CCR3: variants seen among roughly 807,000 people sequenced by gnomAD.
CCR3 encodes the protein C-C chemokine receptor type 3.
For synonymous variants in CCR3, 203 were observed against 179.2 expected (o/e 1.13, Z -1.06); for missense variants, 419 against 437.5 (o/e 0.96, Z 0.38).
chr3:46,253,430 A>G (rs1700357230), intron 1 of CCR3, among the ~76,000 whole-genome samples: 1 of 152,138 alleles, frequency 6.6e-6, no homozygotes, highest in African/African-American at 2.4e-5. Flanking sequence ...GATTTTCTCC[A>G]GGATGGATAC....
chr3:46,242,064 T>A (rs1575495851), upstream of CCR3, among the ~76,000 whole-genome samples: 1 of 149,160 alleles, frequency 6.7e-6, no homozygotes, highest in South Asian at 2.1e-4. Context: ...ACCCAGGAGG[T>A]GGAGGTTGCA....
chr3:46,265,228 T>C lies in CCR3; in HGVS notation c.70T>C (p.Cys24Arg). 1.9e-6 allele frequency: 3 copies of C among 1,614,120 alleles called. No individual in the cohort carries two copies. The highest frequency in any genetic ancestry group is 2.5e-6 in the Non-Finnish European group (3 of 1,179,986). ...TSYYDDVGLL[C>R]EKADTRALMA... is the part of the protein sequence containing the mutation. ...CTACTATGATGACGTGGGCCTGCTC[T>C]GTGAAAAAGCTGATACCAGAGCACT... is the stretch of plus-strand genomic sequence containing the variant. Residue 24 changes from cysteine to arginine, a missense_variant, in exon 2 of 2, where the codon TGT becomes CGT. By Grantham distance (180) the Cys-to-Arg change is radical (BLOSUM62 -3). Coordinates refer to ENST00000395940, the MANE Select transcript of CCR3 (RefSeq NM_178329.3).
At chr3:46,254,321 A>C (rs1700373201) in intron 1 of CCR3, among the ~76,000 whole-genome samples, 1 of 152,226 alleles carries the variant, frequency 6.6e-6, no homozygotes, top group Admixed American at 6.5e-5. Flanking sequence ...AAATAAAATC[A>C]GATCAAAATT....
chr3:46,232,153 T>TA (rs938275230), intron 2 of CCR3, among the ~76,000 whole-genome samples: 10 of 152,208 alleles, frequency 6.6e-5, no homozygotes, highest in Admixed American at 6.5e-4. Flanking sequence ...GATGTTCTTA[T>TA]AAAAAAATGA....
At chr3:46,246,590 G>T (rs1378163216) in intron 1 of CCR3, among the ~76,000 whole-genome samples, 3 of 152,056 alleles carry the variant, frequency 2.0e-5, no homozygotes, top group Non-Finnish European at 2.9e-5. Flanking sequence ...TGCTTTTGTG[G>T]TGGAATGTCA....
At chr3:46,237,464 G>A (rs1303407979), upstream of CCR3, among the ~76,000 whole-genome samples, 1 of 152,106 alleles carries the variant, frequency 6.6e-6, no homozygotes, top group Non-Finnish European at 1.5e-5. Flanking sequence ...GTCTATTTTT[G>A]TTTTTGTTGC....
chr3:46,243,929 C>T (rs1700144414), intron 1 of CCR3, among the ~76,000 whole-genome samples: 1 of 151,976 alleles, frequency 6.6e-6, no homozygotes, highest in Non-Finnish European at 1.5e-5. Flanking sequence ...ACCCTTTTGC[C>T]CATCTAATTG....
chr3:46,242,190 G>T (rs201212569), upstream of CCR3, among the ~76,000 whole-genome samples: 3 of 151,964 alleles, frequency 2.0e-5, no homozygotes, highest in Non-Finnish European at 4.4e-5. Flanking sequence ...AATGCCAATG[G>T]GTGGAGAGCC....
chr3:46,253,191 G>A (rs1238662565), intron 1 of CCR3, among the ~76,000 whole-genome samples: 2 of 152,144 alleles, frequency 1.3e-5, no homozygotes, highest in African/African-American at 4.8e-5. Context: ...GTCCCTGATA[G>A]GAAGTCACTC....
At position 46,265,299 on chromosome 3, in the gene CCR3, G is replaced by A. The variant is rs1461074711; in HGVS notation, c.141G>A (p.Val47=). ...VPPLYSLVFT[V]GLLGNVVVVM... ...CGCTGTACTCCCTGGTGTTCACTGT[G>A]GGCCTCTTGGGCAATGTGGTGGTGG... The change falls in exon 2 of 2, where the codon GTG becomes GTA. Residue 47 remains valine (V), a synonymous_variant. Coordinates refer to ENST00000395940, the MANE Select transcript of CCR3 (RefSeq NM_178329.3). 3 of 1,613,938 alleles carry A rather than the reference G, an allele frequency of 1.9e-6. No individual in the cohort carries two copies. The African/African-American group carries it at 4.0e-5, about 22-fold the overall frequency.
chr3:46,262,513 C>T (rs1037336657), intron 1 of CCR3, among the ~76,000 whole-genome samples: 9 of 152,164 alleles, frequency 5.9e-5, no homozygotes, highest in African/African-American at 9.7e-5. Flanking sequence ...ATTACCCTAT[C>T]GTTTTCCAAA....
chr3:46,229,476 T>C (rs1273505088), intron 2 of CCR3, among the ~76,000 whole-genome samples: 1 of 152,134 alleles, frequency 6.6e-6, no homozygotes, highest in Non-Finnish European at 1.5e-5. Flanking sequence ...GCATTGATGA[T>C]ATAAATTGCC....
intron 2 of CCR3, among the ~76,000 whole-genome samples, chr3:46,231,902 A>C (rs1575491158): frequency 6.6e-6 from 1 of 152,180 alleles, no homozygotes; most frequent in African/African-American, 2.4e-5. Context: ...TCTCTCTTGC[A>C]TTTCCAGGGG....
At position 46,265,779 on chromosome 3, in the gene CCR3, T is replaced by C. The variant is rs763385794; in HGVS notation, c.621T>C (p.Cys207=). The part of the protein sequence containing the change: ...HFHTLRMTIF[C]LVLPLLVMAI... Reference sequence around the variant, plus strand: ...ACACTCTGAGAATGACCATCTTCTGTCTCGTTCTCCCTCTGCTCGTTATGG... The same window carrying C: ...ACACTCTGAGAATGACCATCTTCTGCCTCGTTCTCCCTCTGCTCGTTATGG... Residue 207 remains cysteine (C), a synonymous_variant, in exon 2 of 2, where the codon TGT becomes TGC. Coordinates refer to ENST00000395940, the MANE Select transcript of CCR3 (RefSeq NM_178329.3). 37 of 1,613,710 alleles carry C rather than the reference T, an allele frequency of 2.3e-5. No homozygotes were observed. In the African/African-American group the frequency reaches 4.5e-4, roughly 20 times the overall value.
chr3:46,229,679 T>C (rs901061624), intron 2 of CCR3, among the ~76,000 whole-genome samples: 4 of 152,182 alleles, frequency 2.6e-5, no homozygotes, highest in African/African-American at 9.7e-5. Flanking sequence ...CTGTCAAGAT[T>C]CCTCAAATCA....
intron 2 of CCR3, among the ~76,000 whole-genome samples, chr3:46,215,293 G>A (rs1421773850): frequency 6.6e-6 from 1 of 152,172 alleles, no homozygotes; most frequent in Non-Finnish European, 1.5e-5. Context: ...GAGTTAGGTA[G>A]GGCCTGGAAG....
Position 46,251,189 on chromosome 3 carries a change from G to A in CCR3, c.-12+8651G>A, listed in dbSNP as rs530939570. ...GAAGGACCAAGGCAGGCGTCCCTGC[G>A]TGGTCTGACACCCTTGAAACGTGGG... On this transcript the variant is annotated intron_variant, in intron 1 of 1. Transcript: ENST00000395940. Among the ~76,000 whole-genome samples the A allele has an allele frequency of 5.9e-4, 90 of 152,226 alleles. No homozygotes were observed. In the East Asian group the frequency reaches 0.013, roughly 22 times the overall value.
chr3:46,225,633 T>A (rs2125924319), intron 2 of CCR3, among the ~76,000 whole-genome samples: 1 of 152,342 alleles, frequency 6.6e-6, no homozygotes, highest in Admixed American at 6.5e-5. Context: ...CATCTCATGG[T>A]AGTTTTAATT....
intron 2 of CCR3, among the ~76,000 whole-genome samples, chr3:46,219,414 G>A (rs1699808696): frequency 6.6e-6 from 1 of 151,986 alleles, no homozygotes; most frequent in African/African-American, 2.4e-5. Context: ...ACTGCCTAAA[G>A]CAATCTATAA....
Sources: gnomAD v4.1 joint callset for allele counts (sites outside exome capture counted in the v4.1 genomes callset) on GRCh38, gnomAD v4.1.1 for gene constraint, MANE v1.5 for transcripts, NCBI Gene and HGNC (gene_info 2026-07-23, HGNC 2026-07-21) for gene names.